GLIS3: variants seen among roughly 807,000 people sequenced by gnomAD.
GLIS3 encodes the protein zinc finger protein GLIS3.
Under a neutral mutation model 78.6 loss-of-function variants are expected in GLIS3, and 53 were observed. That is an observed-to-expected ratio of 0.67 (90% CI 0.54 to 0.85). GLIS3 has a LOEUF of 0.85. GLIS3 is among the 40% of genes least tolerant of loss of function. The pLI is 0.00. For missense variants in GLIS3, 1,703 were observed against 1,231.1 expected, an observed-to-expected ratio of 1.38 and a Z score of -5.74; for synonymous variants, 684 against 509.9, an observed-to-expected ratio of 1.34 and a Z score of -4.60.
chr9:4,219,341 G>T (rs1033952915), intron 2 of GLIS3, among the ~76,000 whole-genome samples: 6 of 152,202 alleles, frequency 3.9e-5, no homozygotes, highest in Non-Finnish European at 7.3e-5. Flanking sequence ...TTTAAACACT[G>T]TATTCTTACT....
intron 8 of GLIS3, among the ~76,000 whole-genome samples, chr9:3,870,312 T>C (rs1030294196): frequency 6.6e-6 from 1 of 152,088 alleles, no homozygotes; most frequent in Non-Finnish European, 1.5e-5. Context: ...TTGGAAACCA[T>C]ACAAATACAT....
At chr9:4,403,547 C>T in the GLIS3 span, among the ~76,000 whole-genome samples, 6 of 152,006 alleles carry the variant, frequency 3.9e-5, no homozygotes, top group African/African-American at 1.4e-4. Flanking sequence ...AGAGAAGCTA[C>T]AAAAAGTCAA....
At chr9:4,135,484 A>G (rs745588961) in intron 2 of GLIS3, among the ~76,000 whole-genome samples, 1 of 152,128 alleles carries the variant, frequency 6.6e-6, no homozygotes, top group Non-Finnish European at 1.5e-5. Context: ...AAGTCATCGA[A>G]CTATGACTGT....
chr9:4,021,583 T>G (rs1022142136), intron 4 of GLIS3, among the ~76,000 whole-genome samples: 2 of 152,162 alleles, frequency 1.3e-5, no homozygotes, highest in Non-Finnish European at 2.9e-5. Flanking sequence ...CCATTGTACA[T>G]TAGTCAGCTT....
chr9:4,109,294 A>G (rs969626520), intron 4 of GLIS3, among the ~76,000 whole-genome samples: 1 of 152,224 alleles, frequency 6.6e-6, no homozygotes, highest in Non-Finnish European at 1.5e-5. Flanking sequence ...TAACTAATGG[A>G]AAGCTACTCA....
At chr9:4,270,858 T>C (rs1030621146) in intron 2 of GLIS3, among the ~76,000 whole-genome samples, 4 of 151,856 alleles carry the variant, frequency 2.6e-5, no homozygotes, top group African/African-American at 7.3e-5. Flanking sequence ...CAATTCCTCA[T>C]AATAAATCAA....
chr9:4,402,457 T>A, the GLIS3 span, among the ~76,000 whole-genome samples: 1 of 152,148 alleles, frequency 6.6e-6, no homozygotes, highest in East Asian at 1.9e-4. Context: ...CAGGAAAACA[T>A]GACCTCACCA....
At chr9:4,017,695 T>TA (rs1822550809) in intron 4 of GLIS3, among the ~76,000 whole-genome samples, 1 of 152,126 alleles carries the variant, frequency 6.6e-6, no homozygotes, top group African/African-American at 2.4e-5. Context: ...CCAGGATGCA[T>TA]AGCCTGGTAT....
chr9:3,953,519 T>G (rs1330440238), intron 4 of GLIS3, among the ~76,000 whole-genome samples: 1 of 152,176 alleles, frequency 6.6e-6, no homozygotes, highest in Admixed American at 6.5e-5. Flanking sequence ...AAGTGAGGGT[T>G]TGAGTTGTTT....
intron 2 of GLIS3, among the ~76,000 whole-genome samples, chr9:4,193,181 T>G (rs886559303): frequency 3.9e-5 from 6 of 152,264 alleles, no homozygotes; most frequent in Non-Finnish European, 7.3e-5. Flanking sequence ...CCTGCGAGAC[T>G]TTTGTATGGC....
At chr9:4,321,682 T>C (rs997068362) in intron 2 of GLIS3, among the ~76,000 whole-genome samples, 1 of 139,566 alleles carries the variant, frequency 7.2e-6, no homozygotes, top group African/African-American at 2.7e-5. Flanking sequence ...CAAAGGTAAC[T>C]ACCATCTCTG....
At chr9:4,314,670 A>G (rs766839835) in intron 2 of GLIS3, among the ~76,000 whole-genome samples, 3 of 152,194 alleles carry the variant, frequency 2.0e-5, no homozygotes, top group Non-Finnish European at 2.9e-5. Context: ...AAAAGCCACC[A>G]TGAGAGGTTC....
intron 4 of GLIS3, among the ~76,000 whole-genome samples, chr9:4,091,033 A>C (rs1464815674): frequency 6.6e-6 from 1 of 152,136 alleles, no homozygotes; most frequent in East Asian, 1.9e-4. Context: ...GATATCCATT[A>C]AGTTGTTGCA....
chr9:4,482,845 A>T, the GLIS3 span, among the ~76,000 whole-genome samples: 6 of 152,250 alleles, frequency 3.9e-5, no homozygotes, highest in Admixed American at 1.3e-4. Flanking sequence ...TTTAAAAAGC[A>T]GCAACAGCAT....
At chr9:4,268,096 G>C (rs1298959234) in intron 2 of GLIS3, among the ~76,000 whole-genome samples, 1 of 152,148 alleles carries the variant, frequency 6.6e-6, no homozygotes, top group Non-Finnish European at 1.5e-5. Flanking sequence ...GTATGGCTTA[G>C]TGATTAAAAG....
chr9:4,176,904 G>A (rs768048156), intron 2 of GLIS3, among the ~76,000 whole-genome samples: 1 of 152,234 alleles, frequency 6.6e-6, no homozygotes, highest in African/African-American at 2.4e-5. Context: ...GATTACAGGC[G>A]TAAGCCACCA....
At chr9:4,407,844 A>C in the GLIS3 span, among the ~76,000 whole-genome samples, 1 of 152,200 alleles carries the variant, frequency 6.6e-6, no homozygotes, top group East Asian at 1.9e-4. Context: ...AGAATGAGAG[A>C]AAGTATTTGA....
intron 8 of GLIS3, among the ~76,000 whole-genome samples, chr9:3,859,350 AACAC>A (rs34973607): frequency 0.053 from 7,815 of 148,304 alleles, 223 homozygotes; most frequent in Non-Finnish European, 0.065. Flanking sequence ...GTTTCTTCGA[AACAC>A]ACACACACAC....
At chr9:4,460,992 T>G in the GLIS3 span, among the ~76,000 whole-genome samples, 3 of 152,130 alleles carry the variant, frequency 2.0e-5, no homozygotes, top group Admixed American at 6.5e-5. Flanking sequence ...CATAGAGAAT[T>G]AAGAATTTTT....
Sources: allele counts gnomAD v4.1 joint callset (sites outside exome capture counted in the v4.1 genomes callset), GRCh38; gene constraint gnomAD v4.1.1; transcripts MANE v1.5; gene names NCBI Gene and HGNC (gene_info 2026-07-23, HGNC 2026-07-21).